The following OSBPL5 variants were observed in gnomAD, a reference collection of about 807,000 sequenced individuals.
OSBPL5 encodes oxysterol-binding protein-related protein 5.
OSBPL5 carries 71 observed loss-of-function variants against 111.2 expected under a neutral mutation model. The observed-to-expected ratio is 0.64, with a 90% confidence interval of 0.53 to 0.78. The LOEUF (loss-of-function observed/expected upper bound fraction) is 0.78, where lower values mean the gene tolerates loss of function less well. Ranked by LOEUF, OSBPL5 falls within the 30% of genes least tolerant of loss-of-function variation. The pLI, the probability that OSBPL5 is intolerant of heterozygous loss-of-function variation, is 0.00. For missense variants in OSBPL5, 1,210 were observed against 1,189.3 expected (o/e 1.02, Z -0.26); for synonymous variants, 549 against 513.9 (o/e 1.07, Z -0.93).
At chr11:3,150,308 T>A (rs555219051) in intron 1 of OSBPL5, among the ~76,000 whole-genome samples, 194 of 151,654 alleles carry the variant, frequency 1.3e-3, no homozygotes, top group East Asian at 2.5e-3. Context: ...CAGCTTTTTT[T>A]AAAAAAAAAG....
At position 3,093,481 on chromosome 11, in the gene OSBPL5, T is replaced by C. The variant is rs370908620; in HGVS notation, c.1946+46A>G. ...CCCTGCTGACCTGCCTGCTTGGCCA[T>C]GTCAGGCTGTGGTCAGCAGGGTCCC... On this transcript the variant is annotated intron_variant, in intron 17 of 21. Coordinates refer to ENST00000263650, the MANE Select transcript of OSBPL5 (RefSeq NM_020896.4). The C allele has an allele frequency of 6.9e-6, 11 of 1,591,072 alleles. No individual in the cohort carries two copies. In the African/African-American group the frequency reaches 1.1e-4, roughly 15 times the overall value.
intron 14 of OSBPL5, among the ~76,000 whole-genome samples, chr11:3,098,871 G>A (rs1010293402): frequency 4.0e-5 from 6 of 149,968 alleles, no homozygotes; most frequent in African/African-American, 7.4e-5. Flanking sequence ...CTGGTGCCAC[G>A]ATGGCTCCTC....
rs1320549842 is a variant in OSBPL5, at chr11:3,142,171, G to C, written c.-21-13002C>G. Among the ~76,000 whole-genome samples, 2 of 152,140 alleles carry C rather than the reference G, an allele frequency of 1.3e-5. No homozygotes were observed. Among genetic ancestry groups the C allele is most frequent in the Admixed American group, 1.3e-4 (2 of 15,276 alleles). ...CGACCTCAAGTGATCTGCCCTCCTC[G>C]GCGTCCCAAAGTGCTGGGATTACAG... On this transcript the variant is annotated intron_variant, in intron 1 of 21. Coordinates refer to ENST00000263650, the MANE Select transcript of OSBPL5 (RefSeq NM_020896.4). This position sits in a 1 kb window ranked among gnomAD's most constrained non-coding sequence, Gnocchi z 7.1.
intron 14 of OSBPL5, among the ~76,000 whole-genome samples, chr11:3,099,517 A>G (rs774759357): frequency 5.9e-5 from 9 of 152,194 alleles, no homozygotes; most frequent in Non-Finnish European, 7.3e-5. Context: ...TTTTCTGTAA[A>G]CACAACACTA....
At chr11:3,090,751 C>A (rs1037609207) in intron 19 of OSBPL5, 55 bp from the exon 20 acceptor site, 1 of 1,543,692 alleles carries the variant, frequency 6.5e-7, no homozygotes, top group African/African-American at 1.4e-5. Flanking sequence ...CCTGCCCAGG[C>A]CCCAGGGACA....
At chr11:3,131,999 TC>T (rs1845827203) in intron 1 of OSBPL5, among the ~76,000 whole-genome samples, 1 of 18,014 alleles carries the variant, frequency 5.6e-5, no homozygotes, top group Non-Finnish European at 1.1e-4. Flanking sequence ...CCACCCTCCC[TC>T]CCTTTCAGGC....
Position 3,101,604 on chromosome 11 carries a change from A to G in OSBPL5, c.1521T>C (p.Tyr507=), listed in dbSNP as rs1299216943. 8 of 1,613,342 alleles carry G rather than the reference A, an allele frequency of 5.0e-6. No homozygotes were observed. Among genetic ancestry groups the G allele is most frequent in the African/African-American group, 1.3e-5 (1 of 74,918 alleles). ...SGSITAKSRF[Y]GNSLSALLDG... ...GAGCGCCCAGGGTGACCCCCTCACC[A>G]TAAAACCTGGACTTGGCTGTGATGC... Residue 507 remains tyrosine, a splice_region_variant and synonymous_variant, in exon 13 of 22, where the codon TAT becomes TAC. Coordinates refer to ENST00000263650, the MANE Select transcript of OSBPL5 (RefSeq NM_020896.4).
At position 3,109,484 on chromosome 11, in the gene OSBPL5, C is replaced by G. The variant is rs757912621; in HGVS notation, c.692-1539G>C. On this transcript the variant is annotated intron_variant, in intron 7 of 21. Transcript: ENST00000263650. This position sits in a 1 kb window ranked among gnomAD's most constrained non-coding sequence, Gnocchi z 7.4. Reference sequence around the variant, plus strand: ...GTGCCTCTCTGAGCCTCTGCCTTTTCGAGCTCCTGGAGACAGTGAGTTTTT... The same window carrying G: ...GTGCCTCTCTGAGCCTCTGCCTTTTGGAGCTCCTGGAGACAGTGAGTTTTT... Among the ~76,000 whole-genome samples the G allele has an allele frequency of 6.6e-6, 1 of 152,160 alleles. No homozygotes were observed. Among genetic ancestry groups the G allele is most frequent in the African/African-American group, 2.4e-5 (1 of 41,430 alleles).
At chr11:3,100,395 A>G (rs1428881968) in intron 13 of OSBPL5, 139 bp from the exon 14 acceptor site, 2 of 699,634 alleles carry the variant, frequency 2.9e-6, no homozygotes, top group Non-Finnish European at 5.0e-6. Flanking sequence ...TCTGTGCGTG[A>G]GTCACTTAAC....
intron 2 of OSBPL5, among the ~76,000 whole-genome samples, chr11:3,128,128 G>A (rs1858698809): frequency 6.6e-6 from 1 of 152,242 alleles, no homozygotes; most frequent in Admixed American, 6.5e-5. Context: ...TCTACGCTGG[G>A]ACTCCGTTTT....
chr11:3,093,886 C>A, intron 15 of OSBPL5, 51 bp from the exon 16 acceptor site: 1 of 1,565,142 alleles, frequency 6.4e-7, no homozygotes, highest in South Asian at 1.1e-5. Flanking sequence ...CTGGGGCCTC[C>A]AGAATCACAT....
Position 3,092,964 on chromosome 11 carries a change from G to A in OSBPL5, c.2035C>T (p.Gln679Ter), listed in dbSNP as rs1224584242. Residue 679 changes from glutamine to a stop codon, truncating the protein, a stop_gained, in exon 18 of 22, where the codon CAG (glutamine) becomes TAG (stop). Coordinates refer to ENST00000263650, the MANE Select transcript of OSBPL5 (RefSeq NM_020896.4). LOFTEE classifies it high-confidence loss of function. This position sits in a 1 kb window ranked among gnomAD's most constrained non-coding sequence, Gnocchi z 5.4. ...EKFALEEAQR[Q>*]RARERQESLM... is the part of the protein sequence containing the mutation. ...CTCTCCTGCCGCTCACGGGCCCGCT[G>A]CCGCTGTGCCTCCTCCAGTGCAAAC... 6.3e-7 allele frequency: 1 copy of A among 1,597,222 alleles called. No individual in the cohort carries two copies. Among genetic ancestry groups the A allele is most frequent in the Non-Finnish European group, 8.5e-7 (1 of 1,173,342 alleles).
chr11:3,089,750 G>T (rs542795956), intron 21 of OSBPL5, 96 bp downstream of exon 21: 6 of 1,172,328 alleles, frequency 5.1e-6, no homozygotes, highest in Admixed American at 2.1e-5. Flanking sequence ...AACCCCAGCC[G>T]CGGCCTCCTG....
At chr11:3,135,233 G>A (rs1028116191) in intron 1 of OSBPL5, among the ~76,000 whole-genome samples, 12 of 152,250 alleles carry the variant, frequency 7.9e-5, no homozygotes, top group East Asian at 1.9e-4. Flanking sequence ...CCGTGCTTCC[G>A]CCAAGGGGAC....
In OSBPL5 at chr11:3,092,902, G is replaced by C. The variant is rs767775924; in HGVS notation, c.2097C>G (p.Asp699Glu). The change falls in exon 18 of 22, where the codon GAC becomes GAG. Residue 699 changes from aspartate (D) to glutamate (E), a missense_variant. By Grantham distance (45) the Asp-to-Glu change is conservative. Coordinates refer to ENST00000263650, the MANE Select transcript of OSBPL5 (RefSeq NM_020896.4). This position sits in a 1 kb window ranked among gnomAD's most constrained non-coding sequence, Gnocchi z 5.4. Reference sequence around the variant, plus strand: ...GGTAGTGCCACTCCTGGGTGATGGGGTCCAGGTGGAACAGCTGCGGCTTCC... The same window carrying C: ...GGTAGTGCCACTCCTGGGTGATGGGCTCCAGGTGGAACAGCTGCGGCTTCC... ...MPWKPQLFHL[D>E]PITQEWHYRY... 3 of 1,561,436 alleles carry C rather than the reference G, an allele frequency of 1.9e-6. No homozygotes were observed. The highest frequency in any genetic ancestry group is 2.7e-5 in the African/African-American group (2 of 74,112).
rs57778091 is a variant in OSBPL5 at position 3,122,243 on chromosome 11, C to T, written c.300+105G>A. The T allele has an allele frequency of 3.6e-3, 4,908 of 1,364,140 alleles. 233 individuals carry two copies. The East Asian group carries it at 0.097, about 27-fold the overall frequency. 84.5% of individuals were successfully genotyped at this position (1,364,140 alleles called of 1,614,324 possible). A position where few individuals can be genotyped will look rare whatever the true frequency, so the allele number is the denominator to read the frequency against. ...TAGGGGGTGTGGAGGCGACCAGGTG[C>T]GGTTTGTCCCCTCCTTTTGACAGGT... is the stretch of plus-strand genomic sequence containing the variant. On this transcript the variant is annotated intron_variant, in intron 4 of 21. Transcript: ENST00000263650.
At chr11:3,127,933 G>T (rs1176633528) in intron 2 of OSBPL5, among the ~76,000 whole-genome samples, 1 of 152,160 alleles carries the variant, frequency 6.6e-6, no homozygotes, top group East Asian at 1.9e-4. Flanking sequence ...TTGCTAGTTG[G>T]TCCGAGTCCC....
chr11:3,115,693 T>C (rs1858185024), intron 7 of OSBPL5, among the ~76,000 whole-genome samples: 1 of 152,204 alleles, frequency 6.6e-6, no homozygotes, highest in African/African-American at 2.4e-5. Context: ...AAGGTTTTCT[T>C]GAAACAATAA....
chr11:3,092,770 G>A lies in OSBPL5; in HGVS notation c.2132+97C>T. The A allele has an allele frequency of 7.0e-7, 1 of 1,423,384 alleles. No homozygotes were observed. The highest frequency in any genetic ancestry group is 9.3e-7 in the Non-Finnish European group (1 of 1,070,102). The allele number at this position is 1,423,384 out of a possible 1,614,324, so 88.2% of individuals were successfully genotyped here. Reference sequence around the variant, plus strand: ...CACCGACTCCTCCAGGGGACAGGCTGAAGGTGAGAGGGAAGCCAGGAGCCC... The same window carrying A: ...CACCGACTCCTCCAGGGGACAGGCTAAAGGTGAGAGGGAAGCCAGGAGCCC... On this transcript the variant is annotated intron_variant, in intron 18 of 21. Transcript: ENST00000263650. This position sits in a 1 kb window ranked among gnomAD's most constrained non-coding sequence, Gnocchi z 5.4.
Sources: gnomAD v4.1 joint callset for allele counts (sites outside exome capture counted in the v4.1 genomes callset) on GRCh38, gnomAD v4.1.1 for gene constraint, Gnocchi (gnomAD v3.1) non-coding constraint, MANE v1.5 for transcripts, NCBI Gene and HGNC (gene_info 2026-07-23, HGNC 2026-07-21) for gene names.